STPG2: variants seen among roughly 807,000 people sequenced by gnomAD.
The protein encoded by STPG2 is sperm tail PG-rich repeat containing 2.
Under a neutral mutation model 54.2 loss-of-function variants are expected in STPG2, and 56 were observed. The observed-to-expected ratio is 1.03, with a 90% CI of 0.83 to 1.29. STPG2 has a LOEUF of 1.29. STPG2 is among the 50% of genes most tolerant of loss of function. The pLI, the probability that STPG2 is intolerant of heterozygous loss-of-function variation, is 0.00. For synonymous variants in STPG2, 200 were observed against 181.8 expected (o/e 1.10, Z -0.81); for missense variants, 596 against 544.9 (o/e 1.09, Z -0.93).
chr4:98,005,526 G>T, intron 5 of STPG2, among the ~76,000 whole-genome samples: 1 of 152,140 alleles, frequency 6.6e-6, no homozygotes, highest in East Asian at 1.9e-4. Context: ...CTGTGAGTTT[G>T]TCATATATAG....
At chr4:97,568,899 TG>T (rs1263665190) in intron 10 of STPG2, among the ~76,000 whole-genome samples, 91 of 130,976 alleles carry the variant, frequency 6.9e-4, no homozygotes, top group Middle Eastern at 4.1e-3. Context: ...TTTTTTGTTT[TG>T]TTTTTTTTTT....
intron 5 of STPG2, 24 bp from the exon 6 acceptor site, chr4:97,981,342 C>A: frequency 6.2e-7 from 1 of 1,610,952 alleles, no homozygotes; most frequent in South Asian, 1.1e-5. Flanking sequence ...GGAAAATATG[C>A]CAATAAGAAA....
chr4:97,935,309 T>C (rs1393145351), intron 8 of STPG2, among the ~76,000 whole-genome samples: 2 of 152,180 alleles, frequency 1.3e-5, no homozygotes, highest in African/African-American at 4.8e-5. Context: ...CTTCATAGTT[T>C]CAATAATTTT....
chr4:97,873,175 TTC>T (rs1202314829), intron 8 of STPG2, among the ~76,000 whole-genome samples: 1 of 151,244 alleles, frequency 6.6e-6, no homozygotes, highest in African/African-American at 2.4e-5. Flanking sequence ...TTTTCTTTCT[TTC>T]TCTCTCCCTC....
intron 4 of STPG2, among the ~76,000 whole-genome samples, chr4:97,447,669 A>T (rs1729259701): frequency 6.6e-6 from 1 of 152,214 alleles, no homozygotes; most frequent in Non-Finnish European, 1.5e-5. Flanking sequence ...GGTGCATACA[A>T]GTCAGGAATT....
At chr4:97,846,081 AT>A (rs1167655533) in intron 8 of STPG2, among the ~76,000 whole-genome samples, 1 of 152,100 alleles carries the variant, frequency 6.6e-6, no homozygotes, top group Non-Finnish European at 1.5e-5. Context: ...ACTATGAAGT[AT>A]TTATTGAATA....
chr4:97,485,684 C>T, intron 4 of STPG2, among the ~76,000 whole-genome samples: 1 of 151,760 alleles, frequency 6.6e-6, no homozygotes, highest in East Asian at 1.9e-4. Flanking sequence ...CACCATCATT[C>T]TTCACAGAAT....
intron 8 of STPG2, among the ~76,000 whole-genome samples, chr4:97,876,843 A>C (rs17027027): frequency 0.13 from 19,321 of 152,072 alleles, 1,881 homozygotes; most frequent in African/African-American, 0.26. Flanking sequence ...ATGTTTTCTT[A>C]GCCTGGAAAT....
chr4:97,767,995 G>A (rs1330524036), intron 9 of STPG2, among the ~76,000 whole-genome samples: 3 of 152,082 alleles, frequency 2.0e-5, no homozygotes, highest in East Asian at 1.9e-4. Context: ...GTGAAACCCC[G>A]TCTCTACTAA....
intron 10 of STPG2, among the ~76,000 whole-genome samples, chr4:97,559,597 A>C (rs1300805739): frequency 6.6e-6 from 1 of 152,194 alleles, no homozygotes; most frequent in African/African-American, 2.4e-5. Flanking sequence ...ATTAATTTCC[A>C]GGCTTTTTTG....
chr4:97,547,128 G>T (rs1233169826), intron 4 of STPG2, among the ~76,000 whole-genome samples: 3 of 152,088 alleles, frequency 2.0e-5, no homozygotes, highest in Non-Finnish European at 4.4e-5. Context: ...AAATGAAAAG[G>T]GTAAAAGGGC....
intron 5 of STPG2, among the ~76,000 whole-genome samples, chr4:98,009,211 C>T (rs1031360635): frequency 3.3e-5 from 5 of 151,618 alleles, no homozygotes; most frequent in Admixed American, 6.6e-5. Context: ...TTGATGTAGG[C>T]GTTTATTGCT....
intron 10 of STPG2, among the ~76,000 whole-genome samples, chr4:97,599,403 C>T (rs559221168): frequency 1.3e-5 from 2 of 152,234 alleles, no homozygotes; most frequent in Middle Eastern, 3.4e-3. Flanking sequence ...TGGGTATGTT[C>T]CCAAATGAAT....
intron 8 of STPG2, among the ~76,000 whole-genome samples, chr4:97,910,114 G>C (rs1415602003): frequency 6.6e-6 from 1 of 152,132 alleles, no homozygotes; most frequent in Admixed American, 6.5e-5. Context: ...TCCCCACCAA[G>C]TTTTGTAGAG....
chr4:98,112,340 G>C (rs1471360173), intron 3 of STPG2, among the ~76,000 whole-genome samples: 1 of 152,016 alleles, frequency 6.6e-6, no homozygotes, highest in African/African-American at 2.4e-5. Flanking sequence ...TGCTATTCAG[G>C]CTTGAACCAC....
At chr4:98,086,061 G>A (rs1319421284) in intron 5 of STPG2, among the ~76,000 whole-genome samples, 1 of 152,054 alleles carries the variant, frequency 6.6e-6, no homozygotes, top group Non-Finnish European at 1.5e-5. Context: ...ATGTGTATCA[G>A]TGGAGTACAA....
At chr4:97,489,312 A>G (rs2148826199) in intron 4 of STPG2, among the ~76,000 whole-genome samples, 1 of 151,856 alleles carries the variant, frequency 6.6e-6, no homozygotes, top group South Asian at 2.1e-4. Flanking sequence ...GATTAGATAG[A>G]CAGAGAGACA....
In STPG2 at chr4:97,736,352, T is replaced by A. The variant is rs1010063284; in HGVS notation, c.1205-23538A>T. Among the ~76,000 whole-genome samples, 11 of 152,090 alleles carry A rather than the reference T, an allele frequency of 7.2e-5. No individual in the cohort carries two copies. In the South Asian group the frequency reaches 1.2e-3, roughly 17 times the overall value. ...CATCTCACTAGGGAGTGCCAGACAG[T>A]GGGCGCAGGACAGTGGGTGCAGCAC... is the stretch of plus-strand genomic sequence containing the variant. On this transcript the variant is annotated intron_variant, in intron 9 of 10. Coordinates refer to ENST00000295268, the MANE Select transcript of STPG2 (RefSeq NM_174952.3).
intron 5 of STPG2, among the ~76,000 whole-genome samples, chr4:98,070,994 G>T (rs2110107475): frequency 6.6e-6 from 1 of 152,042 alleles, no homozygotes; most frequent in East Asian, 1.9e-4. Flanking sequence ...ATGTTTAGGG[G>T]CTCTCTGGGT....
Sources: gnomAD v4.1 joint callset for allele counts (sites outside exome capture counted in the v4.1 genomes callset) on GRCh38, gnomAD v4.1.1 for gene constraint, MANE v1.5 for transcripts, NCBI Gene and HGNC (gene_info 2026-07-23, HGNC 2026-07-21) for gene names.